The following CACNB2 variants were observed in gnomAD, a reference collection of about 807,000 sequenced individuals.
CACNB2 encodes the protein calcium voltage-gated channel auxiliary subunit beta 2.
A neutral mutation model predicts 73.3 loss-of-function variants in CACNB2; 42 were observed. That is an observed-to-expected ratio of 0.57 (90% CI 0.45 to 0.74). The LOEUF (loss-of-function observed/expected upper bound fraction) is 0.74. CACNB2 is among the 30% of genes least tolerant of loss of function. CACNB2 has a pLI of 0.00. For missense variants in CACNB2, 940 were observed against 853.0 expected, an observed-to-expected ratio of 1.10 and a Z score of -1.27; for synonymous variants, 348 against 310.3, an observed-to-expected ratio of 1.12 and a Z score of -1.28.
intron 2 of CACNB2, among the ~76,000 whole-genome samples, chr10:18,251,415 T>C (rs1223010590): frequency 1.3e-5 from 2 of 152,032 alleles, no homozygotes; most frequent in Non-Finnish European, 2.9e-5. Context: ...GCCCAGCCAA[T>C]TTTTGTATTT....
At chr10:18,481,201 TATATATATATATATATATATATA>T (rs1564599052) in intron 3 of CACNB2, among the ~76,000 whole-genome samples, 3 of 6,620 alleles carry the variant, frequency 4.5e-4, no homozygotes, top group African/African-American at 1.4e-3. Flanking sequence ...GCTATATATA[TATATATATATATATATATATATA>T]TATATATTTT....
intron 3 of CACNB2, among the ~76,000 whole-genome samples, chr10:18,411,061 TTAAAA>T (rs1406763767): frequency 6.6e-6 from 1 of 152,222 alleles, no homozygotes; most frequent in African/African-American, 2.4e-5. Context: ...CACATTCTTA[TTAAAA>T]TATTTTAGGC....
intron 3 of CACNB2, among the ~76,000 whole-genome samples, chr10:18,432,071 T>A (rs1332886338): frequency 2.0e-5 from 3 of 152,208 alleles, no homozygotes; most frequent in Non-Finnish European, 4.4e-5. Flanking sequence ...CCCAAGACTA[T>A]TATTTATGTT....
chr10:18,164,767 T>A (rs1245808926), intron 2 of CACNB2, among the ~76,000 whole-genome samples: 1 of 152,102 alleles, frequency 6.6e-6, no homozygotes, highest in African/African-American at 2.4e-5. Flanking sequence ...GATTTAGGAC[T>A]TGGAGGTGTC....
chr10:18,250,668 G>C (rs560216932), intron 2 of CACNB2, among the ~76,000 whole-genome samples: 1 of 152,136 alleles, frequency 6.6e-6, no homozygotes, highest in African/African-American at 2.4e-5. Flanking sequence ...TACGACCACT[G>C]TACAGCCTAG....
intron 2 of CACNB2, among the ~76,000 whole-genome samples, chr10:18,217,576 C>T (rs1722514468): frequency 6.6e-6 from 1 of 151,816 alleles, no homozygotes; most frequent in East Asian, 1.9e-4. Context: ...TGGAGATGAG[C>T]ATAAGGGAAG....
At chr10:18,451,705 C>T (rs910135838) in intron 3 of CACNB2, among the ~76,000 whole-genome samples, 1 of 152,206 alleles carries the variant, frequency 6.6e-6, no homozygotes, top group Non-Finnish European at 1.5e-5. Context: ...CACATATTCT[C>T]CTGTGTCACA....
At chr10:18,486,077 G>T (rs2049046086) in intron 3 of CACNB2, among the ~76,000 whole-genome samples, 1 of 152,052 alleles carries the variant, frequency 6.6e-6, no homozygotes, top group South Asian at 2.1e-4. Context: ...TTGCTATTTA[G>T]CATAGTAAAA....
intron 2 of CACNB2, among the ~76,000 whole-genome samples, chr10:18,292,455 A>C (rs1463283104): frequency 1.3e-5 from 2 of 152,216 alleles, no homozygotes; most frequent in Non-Finnish European, 2.9e-5. Flanking sequence ...CAAGAGTTCG[A>C]GACCAGCCTG....
intron 3 of CACNB2, among the ~76,000 whole-genome samples, chr10:18,421,635 A>AAAAG (rs2045329998): frequency 6.6e-6 from 1 of 151,940 alleles, no homozygotes; most frequent in African/African-American, 2.4e-5. Context: ...TTAAGTGGTT[A>AAAAG]TTTTTTTCTG....
At chr10:18,250,249 GT>G (rs1265901989) in intron 2 of CACNB2, among the ~76,000 whole-genome samples, 1 of 152,198 alleles carries the variant, frequency 6.6e-6, no homozygotes, top group East Asian at 1.9e-4. Context: ...CAAGCTAGGT[GT>G]CCTTTTCAAA....
At chr10:18,382,350 T>G (rs554794947) in intron 2 of CACNB2, among the ~76,000 whole-genome samples, 24 of 152,152 alleles carry the variant, frequency 1.6e-4, no homozygotes, top group Admixed American at 4.6e-4. Flanking sequence ...TATTCTTCGG[T>G]GAGTTAGCTC....
intron 3 of CACNB2, among the ~76,000 whole-genome samples, chr10:18,430,683 C>T (rs1336210545): frequency 6.6e-6 from 1 of 152,192 alleles, no homozygotes; most frequent in Non-Finnish European, 1.5e-5. Flanking sequence ...AATGTCTCAA[C>T]ATAGGACTGG....
At chr10:18,370,249 A>G (rs1330898064) in intron 2 of CACNB2, among the ~76,000 whole-genome samples, 3 of 152,272 alleles carry the variant, frequency 2.0e-5, no homozygotes, top group Non-Finnish European at 2.9e-5. Context: ...GAGTGCCGGC[A>G]TTACCGTGGA....
intron 2 of CACNB2, among the ~76,000 whole-genome samples, chr10:18,387,169 CTCGGAATGT>C (rs1258118313): frequency 6.6e-6 from 1 of 152,148 alleles, no homozygotes; most frequent in East Asian, 1.9e-4. Flanking sequence ...GTCTTTCTGC[CTCGGAATGT>C]TGTTCCCTTG....
At chr10:18,289,266 T>C (rs919188272) in intron 2 of CACNB2, among the ~76,000 whole-genome samples, 6 of 149,694 alleles carry the variant, frequency 4.0e-5, no homozygotes, top group African/African-American at 1.5e-4. Context: ...TACGAAGTTG[T>C]CTTCATTTTT....
At chr10:18,461,778 T>C (rs1460063988) in intron 3 of CACNB2, among the ~76,000 whole-genome samples, 1 of 147,286 alleles carries the variant, frequency 6.8e-6, no homozygotes, top group Non-Finnish European at 1.5e-5. Flanking sequence ...TTTTTTTTTT[T>C]TTTTTTTTGG....
chr10:18,254,612 G>GGAAAATTAGA (rs1168219306), intron 2 of CACNB2, among the ~76,000 whole-genome samples: 2 of 152,074 alleles, frequency 1.3e-5, no homozygotes, highest in African/African-American at 4.8e-5. Flanking sequence ...GAGAAATAAA[G>GGAAAATTAGA]GAAAATTAGA....
intron 2 of CACNB2, among the ~76,000 whole-genome samples, chr10:18,180,631 G>A (rs1420942884): frequency 6.6e-6 from 1 of 152,170 alleles, no homozygotes; most frequent in South Asian, 2.1e-4. Flanking sequence ...ATCAATGTCT[G>A]GCACAGAGCA....
Sources: allele counts gnomAD v4.1 joint callset (sites outside exome capture counted in the v4.1 genomes callset), GRCh38; gene constraint gnomAD v4.1.1; transcripts MANE v1.5; gene names NCBI Gene and HGNC (gene_info 2026-07-23, HGNC 2026-07-21).